Variants in RNF220 observed in about 807,000 individuals in gnomAD.
The protein encoded by RNF220 is E3 ubiquitin-protein ligase RNF220.
A neutral mutation model predicts 67.1 loss-of-function variants in RNF220; 7 were observed. The ratio of observed to expected loss-of-function variants is 0.10; its 90% CI spans 0.06 to 0.20. RNF220 has a LOEUF of 0.20. Among genes scored for constraint, RNF220 ranks in the 10% least tolerant of loss-of-function variants. RNF220 has a pLI of 1.00. For synonymous variants in RNF220, 270 were observed against 283.2 expected (o/e 0.95, Z 0.47); for missense variants, 565 against 740.3 (o/e 0.76, Z 2.75).
chr1:44,557,208 T>C (rs1663179577), intron 2 of RNF220, among the ~76,000 whole-genome samples: 1 of 147,362 alleles, frequency 6.8e-6, no homozygotes, highest in African/African-American at 2.5e-5. Flanking sequence ...TATATATATA[T>C]ATAAGCTTCT....
chr1:44,466,554 G>A (rs898397306), intron 2 of RNF220, among the ~76,000 whole-genome samples: 11 of 152,190 alleles, frequency 7.2e-5, no homozygotes, highest in African/African-American at 2.7e-4. Flanking sequence ...CTTACAAAAT[G>A]TATTTGTTAA....
At chr1:44,410,507 A>T (rs746202751) in intron 1 of RNF220, 16 of 152,248 alleles carry the variant, frequency 1.1e-4, no homozygotes, top group Non-Finnish European at 1.8e-4. Context: ...ATAAGGAAAG[A>T]TGCCAAATGA....
rs1475283842 is a variant in RNF220, at chr1:44,576,901, C to A, written c.626-37264C>A. Among the ~76,000 whole-genome samples the A allele has an allele frequency of 3.9e-5, 6 of 152,298 alleles. No homozygotes were observed. In the East Asian group the frequency reaches 1.2e-3, roughly 29 times the overall value. On this transcript the variant is annotated intron_variant, in intron 2 of 14. Coordinates refer to ENST00000361799, the MANE Select transcript of RNF220 (RefSeq NM_018150.4). The stretch of plus-strand genomic sequence containing the variant: ...CTCACCTCAGCTCAACTCACTTTGC[C>A]TTCTCTACTCTAGGCTCACTTCTGG...
At chr1:44,604,348 C>A (rs1201673769) in intron 2 of RNF220, among the ~76,000 whole-genome samples, 2 of 152,182 alleles carry the variant, frequency 1.3e-5, no homozygotes, top group Non-Finnish European at 2.9e-5. Context: ...CCTGCCCCAC[C>A]CTCCACTGGC....
At chr1:44,569,968 G>T (rs531177605) in intron 2 of RNF220, among the ~76,000 whole-genome samples, 1 of 152,280 alleles carries the variant, frequency 6.6e-6, no homozygotes, top group African/African-American at 2.4e-5. Context: ...GCTCCTAGAA[G>T]ATCGGGCACC....
chr1:44,431,690 A>G (rs1650399748), intron 2 of RNF220, among the ~76,000 whole-genome samples: 2 of 152,020 alleles, frequency 1.3e-5, no homozygotes, highest in African/African-American at 2.4e-5. Flanking sequence ...CAAGAAGACT[A>G]CATCCCTGGC....
chr1:44,645,330 G>A lies in RNF220; in HGVS notation c.1366+54G>A. 6.2e-7 allele frequency: 1 copy of A among 1,612,954 alleles called. No individual in the cohort carries two copies. The highest frequency in any genetic ancestry group is 8.5e-7 in the Non-Finnish European group (1 of 1,178,984). ...GGGGGAGAGGGGGTATCCCTAGATG[G>A]TGGTGACTGACTCAAGCCCAACCCC... On this transcript the variant is annotated intron_variant, in intron 11 of 14. Transcript: ENST00000361799. The surrounding 1 kb of genome is among the most constrained non-coding windows in gnomAD (Gnocchi z 5.0).
At chr1:44,641,757 G>A (rs1203974035) in intron 8 of RNF220, among the ~76,000 whole-genome samples, 1 of 152,240 alleles carries the variant, frequency 6.6e-6, no homozygotes, top group Non-Finnish European at 1.5e-5. Context: ...GCAGCAGCCT[G>A]TTCTGAACAC....
At chr1:44,508,548 G>A (rs973702317) in intron 2 of RNF220, among the ~76,000 whole-genome samples, 9 of 152,200 alleles carry the variant, frequency 5.9e-5, no homozygotes, top group African/African-American at 1.9e-4. Context: ...GCTGTAGGTG[G>A]CGTTTGCTCT....
At chr1:44,406,744 T>G (rs1366413038) in intron 1 of RNF220, among the ~76,000 whole-genome samples, 1 of 151,800 alleles carries the variant, frequency 6.6e-6, no homozygotes, top group Non-Finnish European at 1.5e-5. Context: ...TTCGCCTTTG[T>G]GCTTTGTAAG....
intron 2 of RNF220, among the ~76,000 whole-genome samples, chr1:44,580,632 C>G (rs894511312): frequency 7.9e-5 from 12 of 152,224 alleles, no homozygotes; most frequent in African/African-American, 2.9e-4. Flanking sequence ...GCCTCCTGGC[C>G]TCGGAGGTGT....
At chr1:44,609,262 T>G (rs527417242) in intron 2 of RNF220, among the ~76,000 whole-genome samples, 1 of 152,186 alleles carries the variant, frequency 6.6e-6, no homozygotes, top group East Asian at 1.9e-4. Flanking sequence ...ACCCTCACCC[T>G]CATTTCAACC....
rs1469982874 is a variant in RNF220, at chr1:44,644,794, A to G, written c.1223A>G (p.Gln408Arg). The G allele has an allele frequency of 1.9e-6, 3 of 1,612,814 alleles. No individual in the cohort carries two copies. The highest frequency in any genetic ancestry group is 2.5e-6 in the Non-Finnish European group (3 of 1,178,892). ...GDDTLEYGKP[Q>R]YTEADVIPCT... is the part of the protein sequence containing the mutation. ...GACACTCTGGAGTATGGGAAGCCACAGTATCCTTGGAGCACTATGGGGGCT... is the reference window on the plus strand; with the variant it reads ...GACACTCTGGAGTATGGGAAGCCACGGTATCCTTGGAGCACTATGGGGGCT... The change falls in exon 9 of 15, where the codon CAA (glutamine) becomes CGA (arginine). Residue 408 changes from glutamine (Q) to arginine (R), a missense_variant and splice_region_variant. Transcript: ENST00000361799.
intron 2 of RNF220, among the ~76,000 whole-genome samples, chr1:44,596,560 CA>C (rs112026468): frequency 5.1e-3 from 674 of 131,878 alleles, no homozygotes; most frequent in South Asian, 0.011. Flanking sequence ...ATTCTGTCTC[CA>C]AAAAAAAAAA....
intron 2 of RNF220, among the ~76,000 whole-genome samples, chr1:44,566,144 C>T (rs1459884865): frequency 6.6e-6 from 1 of 152,192 alleles, no homozygotes; most frequent in Non-Finnish European, 1.5e-5. Context: ...GGGCAGGGAC[C>T]CTTTTTGTCA....
chr1:44,554,135 G>A (rs543060806), intron 2 of RNF220, among the ~76,000 whole-genome samples: 7 of 152,294 alleles, frequency 4.6e-5, no homozygotes, highest in African/African-American at 1.4e-4. Flanking sequence ...GGAGAAGGGT[G>A]ATGTGTGTAT....
rs1557461006 is a variant in RNF220 at position 44,632,395 on chromosome 1, G to GCCCGGCCCCTCCCTCCGCCCCA, written c.949+14_949+35dup. 4 of 1,611,334 alleles carry GCCCGGCCCCTCCCTCCGCCCCA rather than the reference G, an allele frequency of 2.5e-6. No homozygotes were observed. Among genetic ancestry groups the GCCCGGCCCCTCCCTCCGCCCCA allele is most frequent in the Non-Finnish European group, 3.4e-6 (4 of 1,179,104 alleles). On this transcript the variant is annotated intron_variant, in intron 6 of 14. Transcript: ENST00000361799. ...CAGACCCGACTGAATGGTGAGTCCT[G>GCCCGGCCCCTCCCTCCGCCCCA]CCCGGCCCCTCCCTCCGCCCCACCC...
Position 44,602,007 on chromosome 1 carries a change from G to A in RNF220, c.626-12158G>A, listed in dbSNP as rs144200789. On this transcript the variant is annotated intron_variant, in intron 2 of 14. Transcript: ENST00000361799. ...GACCCAGGCTAGCATCCATGAGTGC[G>A]TGGTGGCTTGGGAGTTGGGAGAAGG... is the stretch of plus-strand genomic sequence containing the variant. Among the ~76,000 whole-genome samples, 65 of 152,250 alleles carry A rather than the reference G, an allele frequency of 4.3e-4. No homozygotes were observed. In the East Asian group the frequency reaches 9.5e-3, roughly 22 times the overall value.
At chr1:44,486,777 C>T (rs1656347840) in intron 2 of RNF220, among the ~76,000 whole-genome samples, 2 of 152,164 alleles carry the variant, frequency 1.3e-5, no homozygotes, top group South Asian at 4.1e-4. Flanking sequence ...AGCTCCACCA[C>T]CACCTCCTAG....
Sources: gnomAD v4.1 joint callset for allele counts (sites outside exome capture counted in the v4.1 genomes callset) on GRCh38, gnomAD v4.1.1 for gene constraint, Gnocchi (gnomAD v3.1) non-coding constraint, MANE v1.5 for transcripts, NCBI Gene and HGNC (gene_info 2026-07-23, HGNC 2026-07-21) for gene names.